ELFN2: variants seen among roughly 807,000 people sequenced by gnomAD.
The protein encoded by ELFN2 is extracellular leucine rich repeat and fibronectin type III domain containing 2.
ELFN2 carries 17 observed loss-of-function variants against 45.5 expected under a neutral mutation model. The observed-to-expected ratio is 0.37, with a 90% confidence interval of 0.26 to 0.56. The LOEUF is 0.56. Among genes scored for constraint, ELFN2 ranks in the 20% least tolerant of loss-of-function variants. The pLI is 0.77. For missense variants in ELFN2, 922 were observed against 1,183.2 expected (o/e 0.78, Z 3.24); for synonymous variants, 550 against 551.5 (o/e 1.00, Z 0.04).
chr22:37,387,516 G>C (rs1393248870), intron 2 of ELFN2, among the ~76,000 whole-genome samples: 1 of 151,992 alleles, frequency 6.6e-6, no homozygotes, highest in Non-Finnish European at 1.5e-5. Flanking sequence ...GACAGACTAA[G>C]CTTCTGCCTT....
At chr22:37,360,741 T>C (rs940118699) in intron 1 of ELFN2, among the ~76,000 whole-genome samples, 3 of 152,038 alleles carry the variant, frequency 2.0e-5, no homozygotes, top group Non-Finnish European at 4.4e-5. Flanking sequence ...AGACAGGAAA[T>C]GGGAGCTGCA....
rs565802149 is a variant in ELFN2, at chr22:37,419,138, AAC to A, written c.-613-1221_-613-1220del. Among the ~76,000 whole-genome samples the A allele has an allele frequency of 7.9e-4, 119 of 151,452 alleles. 3 individuals are homozygous for A. The South Asian group carries it at 0.025, about 31-fold the overall frequency. Reference sequence around the variant, plus strand: ...AGCCAGCGGCGCCCAACGGAAAATAAACACACACTCGGGCCTCCCTTCCCCTC... The same window carrying A: ...AGCCAGCGGCGCCCAACGGAAAATAAACACACTCGGGCCTCCCTTCCCCTC... On this transcript the variant is annotated intron_variant, in intron 1 of 2. Coordinates refer to ENST00000402918, the MANE Select transcript of ELFN2 (RefSeq NM_052906.5).
intron 1 of ELFN2, among the ~76,000 whole-genome samples, chr22:37,355,128 A>G (rs1315777886): frequency 6.6e-6 from 1 of 152,166 alleles, no homozygotes; most frequent in East Asian, 1.9e-4. Context: ...GGGACAAGCC[A>G]TAGCCTGTCA....
At chr22:37,386,520 A>G (rs750553379) in intron 2 of ELFN2, among the ~76,000 whole-genome samples, 31 of 152,192 alleles carry the variant, frequency 2.0e-4, no homozygotes, top group Non-Finnish European at 3.8e-4. Flanking sequence ...TATGGACACC[A>G]GCTGGGGTGG....
intron 2 of ELFN2, among the ~76,000 whole-genome samples, chr22:37,378,853 T>A (rs116791824): frequency 6.6e-6 from 1 of 152,224 alleles, no homozygotes; most frequent in Non-Finnish European, 1.5e-5. Context: ...ACAGCAGCAC[T>A]TGGCCCCTAG....
At position 37,374,326 on chromosome 22, in the gene ELFN2, G is replaced by T; in HGVS notation, c.1209C>A (p.Gly403=). 6.2e-7 allele frequency: 1 copy of T among 1,613,894 alleles called. No homozygotes were observed. Among genetic ancestry groups the T allele is most frequent in the Non-Finnish European group, 8.5e-7 (1 of 1,179,930 alleles). The part of the protein sequence containing the change: ...TTTHYIMTIL[G]CLFGMVIVLG... ...GCACGATAACCATGCCAAAGAGGCA[G>T]CCCAGGATGGTCATGATGTAGTGGG... Residue 403 remains glycine, a synonymous_variant, in exon 3 of 3, where the codon GGC becomes GGA. Coordinates refer to ENST00000402918, the MANE Select transcript of ELFN2 (RefSeq NM_052906.5).
chr22:37,419,830 C>T (rs574004379), intron 1 of ELFN2, among the ~76,000 whole-genome samples: 1 of 152,138 alleles, frequency 6.6e-6, no homozygotes, highest in South Asian at 2.1e-4. Flanking sequence ...CCACACCCAC[C>T]CGGCACACAC....
At chr22:37,420,470 G>C (rs1932801959) in intron 1 of ELFN2, 2 of 153,240 alleles carry the variant, frequency 1.3e-5, no homozygotes, top group South Asian at 2.1e-4. Flanking sequence ...CTCCGCCTCT[G>C]GCCTCTGCTC....
At chr22:37,395,905 C>A (rs1306580475) in intron 2 of ELFN2, among the ~76,000 whole-genome samples, 1 of 152,180 alleles carries the variant, frequency 6.6e-6, no homozygotes, top group African/African-American at 2.4e-5. Context: ...TCAGCACAAG[C>A]ACCACAGACC....
Position 37,375,560 on chromosome 22 carries a change from A to G in ELFN2, c.-26T>C. On this transcript the variant is annotated 5_prime_UTR_variant, in exon 3 of 3. Coordinates refer to ENST00000402918, the MANE Select transcript of ELFN2 (RefSeq NM_052906.5). ...GGCGCTGGCCTCGGAGTGAGGGGCC[A>G]GGGCAAGGCAGGGGGTGCCTAGCGG... 1 of 1,512,554 alleles carries G rather than the reference A, an allele frequency of 6.6e-7. No homozygotes were observed. The highest frequency in any genetic ancestry group is 1.3e-5 in the South Asian group (1 of 77,328). 93.7% of individuals were successfully genotyped at this position (1,512,554 alleles called of 1,614,324 possible). A position where few individuals can be genotyped will look rare whatever the true frequency, so the allele number is the denominator to read the frequency against.
chr22:37,403,844 G>A lies in ELFN2; in HGVS notation c.-463+13925C>T, dbSNP rs5756671. 8.4e-4 allele frequency among the ~76,000 whole-genome samples: 128 copies of A among 152,226 alleles called. 1 individual carries two copies. Among genetic ancestry groups the A allele is most frequent in the Admixed American group, 1.6e-3 (25 of 15,310 alleles). On this transcript the variant is annotated intron_variant, in intron 2 of 2. Coordinates refer to ENST00000402918, the MANE Select transcript of ELFN2 (RefSeq NM_052906.5). ...GGAGACCACAGGCCCCAGAATGAGA[G>A]AGCCTTGGGTTTGGCTGCCAGCTTA...
intron 1 of ELFN2, among the ~76,000 whole-genome samples, chr22:37,348,160 G>A (rs1017640722): frequency 2.0e-5 from 3 of 152,232 alleles, no homozygotes; most frequent in South Asian, 2.1e-4. Flanking sequence ...TGTGGGCCAC[G>A]TTGAGGCTGG....
In ELFN2 at chr22:37,359,100, T is replaced by C. The variant is rs555423748; in HGVS notation, n.149-16397A>G. Among the ~76,000 whole-genome samples the C allele has an allele frequency of 2.0e-5, 3 of 152,252 alleles. No homozygotes were observed. In the South Asian group the frequency reaches 6.2e-4, roughly 32 times the overall value. ...AGTAGGGAATCAGTGAGTCGACACT[T>C]TAGCACCTCCGTGACTGTCTCCAGC... On this transcript the variant is annotated intron_variant and non_coding_transcript_variant, in intron 1 of 2. Coordinates refer to ENST00000452946, the Ensembl canonical transcript of ELFN2.
chr22:37,427,263 GGT>G (rs1932860182), intron 1 of ELFN2, 33 bp downstream of exon 1: 1 of 152,124 alleles, frequency 6.6e-6, no homozygotes, highest in Non-Finnish European at 1.5e-5. Context: ...CCGGTCGGTC[GGT>G]CGCGGCGCTC....
chr22:37,405,746 C>T (rs1932482368), intron 2 of ELFN2, among the ~76,000 whole-genome samples: 1 of 151,790 alleles, frequency 6.6e-6, no homozygotes, highest in African/African-American at 2.4e-5. Flanking sequence ...GATCTGAACC[C>T]TTTCCTGGCC....
chr22:37,406,273 C>G (rs1932498309), intron 2 of ELFN2, among the ~76,000 whole-genome samples: 1 of 152,232 alleles, frequency 6.6e-6, no homozygotes, highest in African/African-American at 2.4e-5. Context: ...AGGTGCTCAA[C>G]AAGTGACAGC....
intron 2 of ELFN2, among the ~76,000 whole-genome samples, chr22:37,407,894 CA>C (rs963496400): frequency 5.0e-4 from 70 of 141,022 alleles, no homozygotes; most frequent in South Asian, 4.5e-4. Context: ...GACTCCGTCT[CA>C]AAAAAAAAAA....
At chr22:37,357,294 A>G (rs1601735770) in intron 1 of ELFN2, among the ~76,000 whole-genome samples, 1 of 152,204 alleles carries the variant, frequency 6.6e-6, no homozygotes, top group African/African-American at 2.4e-5. Flanking sequence ...GCTAGACGGG[A>G]GGTTGGGGAA....
At chr22:37,419,148 C>T (rs1477426979) in intron 1 of ELFN2, among the ~76,000 whole-genome samples, 2 of 151,888 alleles carry the variant, frequency 1.3e-5, no homozygotes, top group Admixed American at 6.5e-5. Context: ...AACACACACT[C>T]GGGCCTCCCT....
Sources: gnomAD v4.1 joint callset for allele counts (sites outside exome capture counted in the v4.1 genomes callset) on GRCh38, gnomAD v4.1.1 for gene constraint, MANE v1.5 for transcripts, NCBI Gene and HGNC (gene_info 2026-07-23, HGNC 2026-07-21) for gene names.